RPS6KA5: variants seen among roughly 807,000 people sequenced by gnomAD.
RPS6KA5 encodes ribosomal protein S6 kinase alpha-5.
In RPS6KA5, 27 loss-of-function variants were observed where a neutral mutation model predicts 85.5. The ratio of observed to expected loss-of-function variants is 0.32; its 90% CI spans 0.23 to 0.44. RPS6KA5 has a LOEUF of 0.44. RPS6KA5 is among the 20% of genes least tolerant of loss of function. RPS6KA5 has a pLI of 1.00. For missense variants in RPS6KA5, 811 were observed against 980.9 expected, an observed-to-expected ratio of 0.83 and a Z score of 2.31; for synonymous variants, 334 against 348.2, an observed-to-expected ratio of 0.96 and a Z score of 0.46.
intron 4 of RPS6KA5, among the ~76,000 whole-genome samples, chr14:90,945,840 A>G (rs2037843105): frequency 6.6e-6 from 1 of 152,068 alleles, no homozygotes; most frequent in Admixed American, 6.6e-5. Flanking sequence ...TCATCTCTAT[A>G]AAAAATACAA....
At chr14:90,930,636 T>C (rs368696601) in intron 5 of RPS6KA5, among the ~76,000 whole-genome samples, 2 of 152,054 alleles carry the variant, frequency 1.3e-5, no homozygotes, top group Admixed American at 6.6e-5. Context: ...AAATCATATA[T>C]CTGATAAGGA....
intron 13 of RPS6KA5, 84 bp downstream of exon 13, chr14:90,894,329 C>A: frequency 7.2e-7 from 1 of 1,396,428 alleles, no homozygotes; most frequent in East Asian, 2.5e-5. Flanking sequence ...ATAAGGAAAC[C>A]TCCCCAGAAA....
intron 3 of RPS6KA5, among the ~76,000 whole-genome samples, chr14:90,975,735 A>G (rs1194240848): frequency 6.6e-6 from 1 of 152,258 alleles, no homozygotes; most frequent in East Asian, 1.9e-4. Flanking sequence ...CCTAGTGTGC[A>G]TTAGGGCACT....
chr14:90,966,094 AGT>A (rs2039047994), intron 3 of RPS6KA5, among the ~76,000 whole-genome samples: 1 of 152,206 alleles, frequency 6.6e-6, no homozygotes, highest in Non-Finnish European at 1.5e-5. Flanking sequence ...AGTTGTAGAA[AGT>A]GATGGGAGGA....
intron 10 of RPS6KA5, 28 bp downstream of exon 10, chr14:90,900,583 T>A: frequency 6.3e-7 from 1 of 1,594,372 alleles, no homozygotes; most frequent in African/African-American, 1.3e-5. Flanking sequence ...CCTACAAATA[T>A]GTCATATAAG....
intron 3 of RPS6KA5, among the ~76,000 whole-genome samples, chr14:90,951,674 C>A (rs1286107): frequency 0.7 from 106,088 of 151,986 alleles, 37,515 homozygotes; most frequent in East Asian, 0.97. Flanking sequence ...AAGGGAATGT[C>A]TGGAGGCTAC....
intron 1 of RPS6KA5, among the ~76,000 whole-genome samples, chr14:91,020,527 G>T (rs2139788226): frequency 7.9e-6 from 1 of 126,376 alleles, no homozygotes; most frequent in South Asian, 2.8e-4. Flanking sequence ...TGGATGCTAA[G>T]GAATGACTGT....
intron 1 of RPS6KA5, among the ~76,000 whole-genome samples, chr14:91,046,687 T>C (rs1189627124): frequency 6.6e-6 from 1 of 152,212 alleles, no homozygotes; most frequent in Non-Finnish European, 1.5e-5. Context: ...AACCGCATCG[T>C]ACAAAGACAG....
intron 14 of RPS6KA5, among the ~76,000 whole-genome samples, chr14:90,880,103 C>T (rs570709016): frequency 6.6e-6 from 1 of 152,256 alleles, no homozygotes; most frequent in South Asian, 2.1e-4. Context: ...CTGGCCACCA[C>T]TCCTAATTTT....
intron 1 of RPS6KA5, among the ~76,000 whole-genome samples, chr14:91,046,252 C>G (rs568836215): frequency 1.8e-4 from 27 of 152,276 alleles, no homozygotes; most frequent in African/African-American, 6.3e-4. Context: ...GTGCCAGACA[C>G]ACAGTAGGAA....
Position 91,038,985 on chromosome 14 carries a change from T to C in RPS6KA5, c.103+21347A>G, listed in dbSNP as rs117728469. Among the ~76,000 whole-genome samples, 305 of 152,324 alleles carry C rather than the reference T, an allele frequency of 2.0e-3. 1 individual carries two copies. The highest frequency in any genetic ancestry group is 3.3e-3 in the Non-Finnish European group (226 of 68,030). ...TGCCATAGGCCCTCTTTTCACAGTG[T>C]ACCCTGCATTGATAACTGGCTGATC... On this transcript the variant is annotated intron_variant, in intron 1 of 16. Coordinates refer to ENST00000614987, the MANE Select transcript of RPS6KA5 (RefSeq NM_004755.4).
At chr14:90,946,346 C>G (rs560174918) in intron 4 of RPS6KA5, among the ~76,000 whole-genome samples, 17 of 152,142 alleles carry the variant, frequency 1.1e-4, no homozygotes, top group African/African-American at 3.9e-4. Flanking sequence ...TGTTCTCACA[C>G]GTTTTTCATT....
chr14:90,965,688 A>G (rs1326637881), intron 3 of RPS6KA5, among the ~76,000 whole-genome samples: 2 of 152,150 alleles, frequency 1.3e-5, no homozygotes, highest in Non-Finnish European at 2.9e-5. Context: ...TTTTGTTGAC[A>G]CACGAGGAAA....
At chr14:90,943,278 T>A in intron 4 of RPS6KA5, 93 bp from the exon 5 acceptor site, 1 of 730,618 alleles carries the variant, frequency 1.4e-6, no homozygotes, top group Non-Finnish European at 2.2e-6. Flanking sequence ...TTTATTTTTT[T>A]TTTTAAGGCA....
intron 3 of RPS6KA5, among the ~76,000 whole-genome samples, 200 bp downstream of exon 3, chr14:90,978,106 T>C (rs545485125): frequency 1.3e-5 from 2 of 151,646 alleles, no homozygotes; most frequent in Admixed American, 6.6e-5. Flanking sequence ...TAGAAGGAGG[T>C]AAATTCTTCC....
At chr14:90,987,103 C>T (rs1359881373) in intron 2 of RPS6KA5, among the ~76,000 whole-genome samples, 1 of 152,160 alleles carries the variant, frequency 6.6e-6, no homozygotes, top group Admixed American at 6.5e-5. Flanking sequence ...AAACATTTAA[C>T]CTCTAAGACT....
chr14:90,956,536 A>G (rs1474959897), intron 3 of RPS6KA5, among the ~76,000 whole-genome samples: 2 of 151,820 alleles, frequency 1.3e-5, no homozygotes, highest in Non-Finnish European at 2.9e-5. Context: ...AATATCTGCA[A>G]TTTTACTTTT....
rs917403206 is a variant in RPS6KA5, at chr14:90,853,625, A to T, written c.*18449T>A. 1.3e-5 allele frequency: 2 copies of T among 148,898 alleles called. No homozygotes were observed. The highest frequency in any genetic ancestry group is 4.9e-5 in the African/African-American group (2 of 40,712). 9.2% of individuals were successfully genotyped at this position (148,898 alleles called of 1,614,324 possible). On this transcript the variant is annotated 3_prime_UTR_variant, in exon 17 of 17. Coordinates refer to ENST00000614987, the MANE Select transcript of RPS6KA5 (RefSeq NM_004755.4). ...CAGATCATCAGGGCAGGAGTTCGAG[A>T]CCAGCCTGACCAACATGGTGAAACC...
chr14:90,931,101 G>C (rs915837711), intron 5 of RPS6KA5, among the ~76,000 whole-genome samples: 1 of 152,098 alleles, frequency 6.6e-6, no homozygotes, highest in African/African-American at 2.4e-5. Context: ...CACGTTCACT[G>C]TATTATTCAC....
Sources: gnomAD v4.1 joint callset for allele counts (sites outside exome capture counted in the v4.1 genomes callset) on GRCh38, gnomAD v4.1.1 for gene constraint, MANE v1.5 for transcripts, NCBI Gene and HGNC (gene_info 2026-07-23, HGNC 2026-07-21) for gene names.